Variants in DCC observed in about 807,000 individuals in gnomAD.
DCC encodes the protein DCC netrin 1 receptor, also known as netrin receptor DCC.
Under a neutral mutation model 172.5 loss-of-function variants are expected in DCC, and 58 were observed. The ratio of observed to expected loss-of-function variants is 0.34; its 90% confidence interval spans 0.27 to 0.42. The LOEUF (loss-of-function observed/expected upper bound fraction) is 0.42, where lower values mean the gene tolerates loss of function less well. Ranked by LOEUF, DCC falls within the 10% of genes least tolerant of loss-of-function variation. The probability of loss-of-function intolerance (pLI) is 1.00; values close to 1 mark genes in which losing one functional copy is unlikely to be tolerated. For missense variants in DCC, 1,740 were observed against 1,791.0 expected (o/e 0.97, Z 0.51); for synonymous variants, 709 against 644.5 (o/e 1.10, Z -1.52).
At chr18:52,857,111 GA>G (rs10717507) in intron 2 of DCC, among the ~76,000 whole-genome samples, 34,076 of 151,628 alleles carry the variant, frequency 0.22, 4,645 homozygotes, top group Admixed American at 0.32. Flanking sequence ...TTCCATTTTG[GA>G]AAAAAAATGG....
At chr18:52,807,372 G>A (rs939847515) in intron 2 of DCC, among the ~76,000 whole-genome samples, 1 of 152,190 alleles carries the variant, frequency 6.6e-6, no homozygotes, top group Non-Finnish European at 1.5e-5. Context: ...TCCCAGACAT[G>A]TGAACTGTAT....
At chr18:53,405,818 G>T (rs1000070728) in intron 19 of DCC, among the ~76,000 whole-genome samples, 3 of 152,116 alleles carry the variant, frequency 2.0e-5, no homozygotes, top group Non-Finnish European at 4.4e-5. Flanking sequence ...AAAATGAAAA[G>T]CTTAGGCCTT....
At chr18:53,091,852 A>ATCTATCT in intron 7 of DCC, among the ~76,000 whole-genome samples, 1 of 103,298 alleles carries the variant, frequency 9.7e-6, no homozygotes, top group Non-Finnish European at 1.9e-5. Flanking sequence ...TCTATCTATC[A>ATCTATCT]ATCTATCTAT....
At chr18:53,222,124 C>G (rs2055942094) in intron 12 of DCC, among the ~76,000 whole-genome samples, 1 of 152,028 alleles carries the variant, frequency 6.6e-6, no homozygotes, top group Non-Finnish European at 1.5e-5. Context: ...AGTGAAATTA[C>G]AGTCAATGAA....
chr18:53,154,260 C>T (rs2054692385), intron 7 of DCC, among the ~76,000 whole-genome samples: 1 of 152,120 alleles, frequency 6.6e-6, no homozygotes, highest in South Asian at 2.1e-4. Context: ...ATAGATAATG[C>T]ACTCTTCAGA....
intron 5 of DCC, among the ~76,000 whole-genome samples, chr18:53,015,912 C>G (rs2041802334): frequency 6.6e-6 from 1 of 152,054 alleles, no homozygotes; most frequent in South Asian, 2.1e-4. Context: ...GTTCATGTCT[C>G]TTTAACCAAA....
At chr18:53,057,437 C>T (rs1366871847) in intron 5 of DCC, among the ~76,000 whole-genome samples, 3 of 152,056 alleles carry the variant, frequency 2.0e-5, no homozygotes, top group African/African-American at 7.2e-5. Context: ...TTCTACATTT[C>T]TATCACTTAT....
intron 12 of DCC, among the ~76,000 whole-genome samples, chr18:53,269,599 G>A (rs1378758490): frequency 6.6e-6 from 1 of 152,170 alleles, no homozygotes; most frequent in Non-Finnish European, 1.5e-5. Context: ...TGTCTTTCAA[G>A]TACCTGTTTT....
intron 14 of DCC, among the ~76,000 whole-genome samples, chr18:53,336,200 C>T (rs2057589511): frequency 6.6e-6 from 1 of 152,170 alleles, no homozygotes; most frequent in African/African-American, 2.4e-5. Context: ...TAAAATGTTT[C>T]ATGTACTTCT....
chr18:52,877,871 G>A (rs1424612598), intron 2 of DCC, among the ~76,000 whole-genome samples: 2 of 151,864 alleles, frequency 1.3e-5, no homozygotes, highest in South Asian at 2.1e-4. Context: ...CTGCTTCCCT[G>A]TCCCGTATTC....
At chr18:52,988,892 C>A (rs889142683) in intron 5 of DCC, among the ~76,000 whole-genome samples, 5 of 151,912 alleles carry the variant, frequency 3.3e-5, no homozygotes, top group Non-Finnish European at 5.9e-5. Flanking sequence ...TTGTAAATGG[C>A]AAAACACTCC....
intron 1 of DCC, among the ~76,000 whole-genome samples, chr18:52,343,652 A>G (rs1369282674): frequency 6.6e-6 from 1 of 152,222 alleles, no homozygotes; most frequent in African/African-American, 2.4e-5. Flanking sequence ...TAAGATAACA[A>G]TTTTGGATGT....
chr18:53,330,442 A>G (rs1276615926), intron 14 of DCC, among the ~76,000 whole-genome samples: 1 of 151,960 alleles, frequency 6.6e-6, no homozygotes, highest in Admixed American at 6.6e-5. Flanking sequence ...CACACCCACC[A>G]CCACACTTTA....
At chr18:52,814,276 G>A (rs11082946) in intron 2 of DCC, among the ~76,000 whole-genome samples, 17,375 of 152,216 alleles carry the variant, frequency 0.11, 1,084 homozygotes, top group South Asian at 0.2. Context: ...CCAGTCTGGA[G>A]TGGGATAGGG....
intron 7 of DCC, among the ~76,000 whole-genome samples, chr18:53,126,837 A>G (rs1002314712): frequency 2.0e-5 from 3 of 152,158 alleles, no homozygotes; most frequent in Non-Finnish European, 4.4e-5. Flanking sequence ...TATTGGGAAG[A>G]AAAACAAAAA....
rs548443316 is a variant in DCC at position 52,414,786 on chromosome 18, T to C, written c.91+73908T>C. Among the ~76,000 whole-genome samples the C allele has an allele frequency of 2.0e-5, 3 of 152,310 alleles. No individual in the cohort carries two copies. In the South Asian group the frequency reaches 6.2e-4, roughly 32 times the overall value. ...TTAATTATAGGAGCACTATAAAATTTTCTCATTCTGTGTTGCGTGAAAAAT... is the reference window on the plus strand; with the variant it reads ...TTAATTATAGGAGCACTATAAAATTCTCTCATTCTGTGTTGCGTGAAAAAT... On this transcript the variant is annotated intron_variant, in intron 1 of 28. Transcript: ENST00000442544.
intron 1 of DCC, among the ~76,000 whole-genome samples, chr18:52,483,624 G>A (rs2030066284): frequency 6.6e-6 from 1 of 151,990 alleles, no homozygotes; most frequent in African/African-American, 2.4e-5. Context: ...CCCTTTTTAT[G>A]TGATCTTTTC....
At chr18:53,380,545 C>A (rs1015358862) in intron 15 of DCC, among the ~76,000 whole-genome samples, 1 of 152,112 alleles carries the variant, frequency 6.6e-6, no homozygotes, top group African/African-American at 2.4e-5. Context: ...GTCCAGAATG[C>A]AGTTTGGCAA....
chr18:52,784,993 A>T (rs1017869993), intron 2 of DCC, among the ~76,000 whole-genome samples: 1 of 151,710 alleles, frequency 6.6e-6, no homozygotes, highest in Non-Finnish European at 1.5e-5. Context: ...GAGGTGGTTG[A>T]CTGCAGCAGA....
Sources: allele counts gnomAD v4.1 joint callset (sites outside exome capture counted in the v4.1 genomes callset), GRCh38; gene constraint gnomAD v4.1.1; transcripts MANE v1.5; gene names NCBI Gene and HGNC (gene_info 2026-07-23, HGNC 2026-07-21).